Variants in ANK1 observed in about 807,000 individuals in gnomAD.
ANK1 encodes ankyrin-1.
A neutral mutation model predicts 210.4 loss-of-function variants in ANK1; 51 were observed. The ratio of observed to expected loss-of-function variants is 0.24; its 90% CI spans 0.19 to 0.31. The LOEUF (loss-of-function observed/expected upper bound fraction) is 0.31, where lower values mean the gene tolerates loss of function less well. Ranked by LOEUF, ANK1 falls within the 10% of genes least tolerant of loss-of-function variation. ANK1 has a pLI of 1.00. For synonymous variants in ANK1, 967 were observed against 1,025.9 expected, an observed-to-expected ratio of 0.94 and a Z score of 1.10; for missense variants, 2,051 against 2,504.4, an observed-to-expected ratio of 0.82 and a Z score of 3.86.
At chr8:41,803,060 A>AAAAGG (rs1850294902) in intron 1 of ANK1, among the ~76,000 whole-genome samples, 1 of 59,038 alleles carries the variant, frequency 1.7e-5, no homozygotes, top group Non-Finnish European at 3.3e-5. Flanking sequence ...AGAAAGAGAG[A>AAAAGG]AAGGAAGGAA....
In ANK1 at chr8:41,699,563, G is replaced by A; in HGVS notation, c.2462-15C>T. On this transcript the variant is annotated splice_polypyrimidine_tract_variant and intron_variant, in intron 22 of 42. Coordinates refer to ENST00000289734, the MANE Select transcript of ANK1 (RefSeq NM_000037.4). ...GAGTTCTTCCCCTGAAACAGCAAGA[G>A]CTCAAGTGAGCGACGGGGTAGAGGA... 6.2e-7 allele frequency: 1 copy of A among 1,610,758 alleles called. No individual in the cohort carries two copies. The highest frequency in any genetic ancestry group is 1.3e-5 in the African/African-American group (1 of 75,008).
intron 1 of ANK1, among the ~76,000 whole-genome samples, chr8:41,879,692 G>A (rs981039070): frequency 1.3e-5 from 2 of 152,114 alleles, no homozygotes; most frequent in Admixed American, 6.6e-5. Flanking sequence ...AGCTTCCCCC[G>A]GCGAGTGAGA....
At chr8:41,834,401 G>A (rs16890879) in intron 1 of ANK1, among the ~76,000 whole-genome samples, 3,542 of 152,338 alleles carry the variant, frequency 0.023, 54 homozygotes, top group African/African-American at 0.041. Context: ...GGCAAATGAC[G>A]CGGCGCCCAT....
At chr8:41,659,453 G>A (rs1807046660) in intron 42 of ANK1, among the ~76,000 whole-genome samples, 1 of 152,196 alleles carries the variant, frequency 6.6e-6, no homozygotes, top group African/African-American at 2.4e-5. Flanking sequence ...CAGCTTTGGG[G>A]CTACAGATAA....
rs151219976 is a variant in ANK1, at chr8:41,714,233, C to T, written c.1723G>A (p.Val575Met). 1.0e-5 allele frequency: 16 copies of T among 1,544,842 alleles called. No individual in the cohort carries two copies. The highest frequency in any genetic ancestry group is 5.4e-5 in the African/African-American group (4 of 73,554). ...AGKNGLTPLH[V>M]AVHHNNLDIV... Reference sequence around the variant, plus strand: ...TCCAGGTTGTTGTGATGGACGGCCACGTGCAGGGGGGTCAGGCCATTCTGC... The same window carrying T: ...TCCAGGTTGTTGTGATGGACGGCCATGTGCAGGGGGGTCAGGCCATTCTGC... Residue 575 changes from valine (V) to methionine (M), a missense_variant, in exon 16 of 43, where the codon GTG becomes ATG. Val to Met is a conservative substitution (Grantham distance 21, BLOSUM62 1). This residue lies in a region of ANK1 where 1,413 missense variants were observed against 1,707.4 expected (regional missense o/e 0.83). Coordinates refer to ENST00000289734, the MANE Select transcript of ANK1 (RefSeq NM_000037.4).
intron 41 of ANK1, 98 bp downstream of exon 41, chr8:41,661,778 C>T: frequency 6.2e-7 from 1 of 1,612,938 alleles, no homozygotes; most frequent in Non-Finnish European, 8.5e-7. Context: ...CTGGGTCCCC[C>T]AGGGCCGCGG....
intron 1 of ANK1, among the ~76,000 whole-genome samples, chr8:41,814,457 G>A (rs540532548): frequency 1.9e-4 from 29 of 152,046 alleles, no homozygotes; most frequent in Admixed American, 1.2e-3. Flanking sequence ...GAATCCATCA[G>A]TTTCCTTATT....
At chr8:41,732,186 C>A (rs1426131977) in intron 3 of ANK1, among the ~76,000 whole-genome samples, 1 of 152,068 alleles carries the variant, frequency 6.6e-6, no homozygotes, top group Non-Finnish European at 1.5e-5. Flanking sequence ...ACATATTGTT[C>A]TTCTATGTTC....
chr8:41,831,954 C>A (rs1047149691), intron 1 of ANK1, among the ~76,000 whole-genome samples: 16 of 152,102 alleles, frequency 1.1e-4, no homozygotes, highest in African/African-American at 3.9e-4. Flanking sequence ...ATTTAGGAGA[C>A]AATTGGGAAA....
intron 1 of ANK1, among the ~76,000 whole-genome samples, chr8:41,892,465 C>T (rs947442665): frequency 1.3e-5 from 2 of 152,196 alleles, no homozygotes; most frequent in African/African-American, 4.8e-5. Flanking sequence ...TCCTCCATCC[C>T]TCCTTGTGAG....
intron 1 of ANK1, among the ~76,000 whole-genome samples, chr8:41,867,619 C>T (rs1814716726): frequency 6.6e-6 from 1 of 152,056 alleles, no homozygotes; most frequent in African/African-American, 2.4e-5. Context: ...CGGCAGCACC[C>T]ATGCCACACA....
chr8:41,860,178 C>T (rs1258660083), intron 1 of ANK1, among the ~76,000 whole-genome samples: 1 of 152,184 alleles, frequency 6.6e-6, no homozygotes, highest in Non-Finnish European at 1.5e-5. Context: ...AAAAATTCCG[C>T]TAAGTCTCCA....
chr8:41,698,178 C>T, intron 23 of ANK1, 57 bp from the exon 24 acceptor site: 1 of 1,565,820 alleles, frequency 6.4e-7, no homozygotes, highest in Non-Finnish European at 8.8e-7. Flanking sequence ...CACACAGCTC[C>T]TCTTCCTCTT....
intron 2 of ANK1, among the ~76,000 whole-genome samples, chr8:41,738,841 G>A (rs1834031294): frequency 6.6e-6 from 1 of 152,256 alleles, no homozygotes; most frequent in African/African-American, 2.4e-5. Context: ...CCAAATGGCA[G>A]ACAGGCTGTT....
chr8:41,852,287 C>G (rs571634178), intron 1 of ANK1, among the ~76,000 whole-genome samples: 15 of 152,192 alleles, frequency 9.9e-5, no homozygotes, highest in Admixed American at 2.0e-4. Flanking sequence ...TCATAAAGGG[C>G]CTGGCCCGCC....
chr8:41,779,751 A>C (rs1255165804), intron 1 of ANK1, among the ~76,000 whole-genome samples: 1 of 152,222 alleles, frequency 6.6e-6, no homozygotes, highest in Non-Finnish European at 1.5e-5. Context: ...CAAGTGGAAA[A>C]CAGGGCACAG....
At chr8:41,747,547 T>G (rs1836493646) in intron 2 of ANK1, among the ~76,000 whole-genome samples, 1 of 152,176 alleles carries the variant, frequency 6.6e-6, no homozygotes, top group Non-Finnish European at 1.5e-5. Flanking sequence ...GATCCTGTGT[T>G]TTGCTCACCT....
intron 1 of ANK1, among the ~76,000 whole-genome samples, chr8:41,839,446 A>C (rs1265349587): frequency 6.6e-6 from 1 of 152,270 alleles, no homozygotes; most frequent in Non-Finnish European, 1.5e-5. Flanking sequence ...GCCATTGTGA[A>C]GCAGACACAG....
chr8:41,891,098 C>T (rs185729755), intron 1 of ANK1, among the ~76,000 whole-genome samples: 17 of 152,092 alleles, frequency 1.1e-4, no homozygotes, highest in Admixed American at 4.6e-4. Flanking sequence ...TTCTTGCAGG[C>T]GACAGTGTTG....
Sources: gnomAD v4.1 joint callset for allele counts (sites outside exome capture counted in the v4.1 genomes callset) on GRCh38, gnomAD v4.1.1 for gene constraint, gnomAD v4.1.1 regional missense constraint, MANE v1.5 for transcripts, NCBI Gene and HGNC (gene_info 2026-07-23, HGNC 2026-07-21) for gene names.